The following PARD6B variants were observed in gnomAD, a reference collection of about 807,000 sequenced individuals.
PARD6B encodes par-6 family cell polarity regulator beta, also known as partitioning defective 6 homolog beta.
PARD6B carries 4 observed loss-of-function variants against 10.5 expected under a neutral mutation model. The ratio of observed to expected loss-of-function variants is 0.38; its 90% CI spans 0.19 to 0.87. PARD6B has a LOEUF of 0.87. Among genes scored for constraint, PARD6B ranks in the 40% least tolerant of loss-of-function variants. The probability of loss-of-function intolerance (pLI) is 0.41; values close to 1 mark genes in which losing one functional copy is unlikely to be tolerated. For synonymous variants in PARD6B, 169 were observed against 170.4 expected (o/e 0.99, Z 0.07); for missense variants, 396 against 470.6 (o/e 0.84, Z 1.47).
chr20:50,734,591 C>A (rs1172836561), intron 1 of PARD6B, among the ~76,000 whole-genome samples: 1 of 152,088 alleles, frequency 6.6e-6, no homozygotes, highest in Non-Finnish European at 1.5e-5. Context: ...AACACCTGAG[C>A]TCTAGTGATC....
At position 50,751,310 on chromosome 20, in the gene PARD6B, G is replaced by A; in HGVS notation, c.*822G>A. 1 of 856,612 alleles carries A rather than the reference G, an allele frequency of 1.2e-6. No homozygotes were observed. Among genetic ancestry groups the A allele is most frequent in the Non-Finnish European group, 1.4e-6 (1 of 716,650 alleles). The allele number at this position is 856,612 out of a possible 1,614,324, so 53.1% of individuals were successfully genotyped here. ...TCCTTTCTAATAAATTGTAACAAAT[G>A]ATGTTCTCAAGTACATTTCCAGTTT... On this transcript the variant is annotated 3_prime_UTR_variant, in exon 3 of 3. Coordinates refer to ENST00000371610, the MANE Select transcript of PARD6B (RefSeq NM_032521.3).
intron 2 of PARD6B, among the ~76,000 whole-genome samples, chr20:50,741,926 C>G (rs996582886): frequency 2.6e-5 from 4 of 152,148 alleles, no homozygotes; most frequent in Non-Finnish European, 5.9e-5. Context: ...ACATTTAATT[C>G]AAGGAACTAA....
chr20:50,744,222 C>T lies in PARD6B; in HGVS notation c.290-5437C>T, dbSNP rs557291409. On this transcript the variant is annotated intron_variant, in intron 2 of 2. Coordinates refer to ENST00000371610, the MANE Select transcript of PARD6B (RefSeq NM_032521.3). ...CTCCGCCTCCTGGGTTCAAGTGAGT[C>T]TCCTGCCTCATCCTCCCGAGTAGGT... 1.1e-4 allele frequency among the ~76,000 whole-genome samples: 16 copies of T among 147,872 alleles called. No homozygotes were observed. In the East Asian group the frequency reaches 3.2e-3, roughly 30 times the overall value.
intron 2 of PARD6B, among the ~76,000 whole-genome samples, chr20:50,747,174 C>T (rs1309740090): frequency 2.0e-5 from 3 of 152,206 alleles, no homozygotes; most frequent in Non-Finnish European, 4.4e-5. Flanking sequence ...ATAATTGATA[C>T]TTGGCATTCA....
chr20:50,733,001 A>G lies in PARD6B; in HGVS notation c.66+1149A>G, dbSNP rs1402735936. Among the ~76,000 whole-genome samples the G allele has an allele frequency of 8.5e-5, 13 of 152,180 alleles. 1 individual carries two copies. The East Asian group carries it at 2.5e-3, about 29-fold the overall frequency. On this transcript the variant is annotated intron_variant, in intron 1 of 2. Coordinates refer to ENST00000371610, the MANE Select transcript of PARD6B (RefSeq NM_032521.3). ...TTGAGTGAGGTACAGTGGAGTAAGG[A>G]AAGCTTCCTAGAGCCTCTAGGTAGA... is the stretch of plus-strand genomic sequence containing the variant.
chr20:50,747,548 G>T, intron 2 of PARD6B, among the ~76,000 whole-genome samples: 1 of 73,308 alleles, frequency 1.4e-5, no homozygotes, highest in Non-Finnish European at 2.5e-5. Flanking sequence ...AGGCATTATT[G>T]AAGTTGTTGT....
At chr20:50,742,611 C>T (rs985561162) in intron 2 of PARD6B, among the ~76,000 whole-genome samples, 11 of 152,060 alleles carry the variant, frequency 7.2e-5, no homozygotes, top group African/African-American at 2.4e-4. Flanking sequence ...GGTGATCCAC[C>T]CTCCTCAGCC....
At chr20:50,745,032 G>C (rs1211836746) in intron 2 of PARD6B, among the ~76,000 whole-genome samples, 2 of 152,234 alleles carry the variant, frequency 1.3e-5, no homozygotes, top group Admixed American at 1.3e-4. Context: ...CACATAGTCA[G>C]TGTTCGTTAA....
At chr20:50,739,396 G>A (rs1483448566) in intron 2 of PARD6B, among the ~76,000 whole-genome samples, 4 of 151,944 alleles carry the variant, frequency 2.6e-5, no homozygotes, top group African/African-American at 4.8e-5. Context: ...AGCCGAGATC[G>A]TACCACTGCA....
chr20:50,731,975 C>G, intron 1 of PARD6B, 123 bp downstream of exon 1: 1 of 596,516 alleles, frequency 1.7e-6, no homozygotes, highest in Non-Finnish European at 2.3e-6. Context: ...CTGGACGGTG[C>G]GGTCGGGAGA....
intron 2 of PARD6B, among the ~76,000 whole-genome samples, chr20:50,748,992 A>T (rs2087584246): frequency 6.6e-6 from 1 of 152,168 alleles, no homozygotes; most frequent in African/African-American, 2.4e-5. Context: ...TGGGCAACAT[A>T]GCAAGACCCT....
At chr20:50,732,104 A>T (rs1221236426) in intron 1 of PARD6B, among the ~76,000 whole-genome samples, 1 of 152,210 alleles carries the variant, frequency 6.6e-6, no homozygotes, top group Non-Finnish European at 1.5e-5. Flanking sequence ...CGTAAATCTC[A>T]TTCCCGTGTT....
chr20:50,735,127 G>T (rs2087492922), intron 1 of PARD6B, among the ~76,000 whole-genome samples: 1 of 152,140 alleles, frequency 6.6e-6, no homozygotes, highest in South Asian at 2.1e-4. Context: ...TTCAGAGCCT[G>T]GGTGACAGAG....
In PARD6B at chr20:50,731,587, C is replaced by A. The variant is rs1600812566; in HGVS notation, c.-200C>A. 4.5e-6 allele frequency: 2 copies of A among 444,026 alleles called. No homozygotes were observed. Among genetic ancestry groups the A allele is most frequent in the South Asian group, 8.7e-5 (2 of 23,094 alleles). The allele number at this position is 444,026 out of a possible 1,614,324, so 27.5% of individuals were successfully genotyped here. On this transcript the variant is annotated 5_prime_UTR_variant, in exon 1 of 3. Transcript: ENST00000371610. ...CCCGCCTGCCGCGCCACCAGTCCGA[C>A]CCTCGGTCCCGCCGTGTGAGCAGCT...
chr20:50,745,775 G>T (rs2087564572), intron 2 of PARD6B, among the ~76,000 whole-genome samples: 1 of 152,164 alleles, frequency 6.6e-6, no homozygotes, highest in African/African-American at 2.4e-5. Context: ...CCAAAGTGCT[G>T]GGATTACAGG....
chr20:50,743,169 T>C (rs2087540178), intron 2 of PARD6B, among the ~76,000 whole-genome samples: 1 of 152,208 alleles, frequency 6.6e-6, no homozygotes, highest in African/African-American at 2.4e-5. Context: ...GGGAAATGTG[T>C]ATTTTTAAAA....
chr20:50,750,954 A>ATTTTTTTT lies in PARD6B; in HGVS notation c.*491_*498dup, dbSNP rs565068464. 3.3e-4 allele frequency: 129 copies of ATTTTTTTT among 387,808 alleles called. 10 individuals carry two copies. Among genetic ancestry groups the ATTTTTTTT allele is most frequent in the East Asian group, 1.4e-3 (4 of 2,870 alleles). The allele number at this position is 387,808 out of a possible 1,614,324, so 24.0% of individuals were successfully genotyped here. On this transcript the variant is annotated 3_prime_UTR_variant, in exon 3 of 3. Coordinates refer to ENST00000371610, the MANE Select transcript of PARD6B (RefSeq NM_032521.3). ...CTCATGTTCCCAATATTTTATTTTG[A>ATTTTTTTT]TTTTTTTTTTTTTTTTTTTTTTTTT...
intron 2 of PARD6B, among the ~76,000 whole-genome samples, chr20:50,742,580 G>A (rs1355081692): frequency 1.3e-5 from 2 of 151,616 alleles, no homozygotes; most frequent in Non-Finnish European, 2.9e-5. Context: ...TAGCCAGGCT[G>A]GTCTCAAACT....
At chr20:50,742,119 C>T (rs950591563) in intron 2 of PARD6B, among the ~76,000 whole-genome samples, 6 of 152,152 alleles carry the variant, frequency 3.9e-5, no homozygotes, top group Non-Finnish European at 5.9e-5. Flanking sequence ...GGGGCGTGAC[C>T]TCCACTCACT....
Sources: allele counts gnomAD v4.1 joint callset (sites outside exome capture counted in the v4.1 genomes callset), GRCh38; gene constraint gnomAD v4.1.1; transcripts MANE v1.5; gene names NCBI Gene and HGNC (gene_info 2026-07-23, HGNC 2026-07-21).